The following GLIS1 variants were observed in gnomAD, a reference collection of about 807,000 sequenced individuals.
The protein encoded by GLIS1 is zinc finger protein GLIS1.
Under a neutral mutation model 63.8 loss-of-function variants are expected in GLIS1, and 24 were observed. That is an observed-to-expected ratio of 0.38 (90% CI 0.27 to 0.53). The LOEUF (loss-of-function observed/expected upper bound fraction) is 0.53, where lower values mean the gene tolerates loss of function less well. Among genes scored for constraint, GLIS1 ranks in the 20% least tolerant of loss-of-function variants. The pLI is 0.85. For missense variants in GLIS1, 1,036 were observed against 1,074.1 expected (o/e 0.96, Z 0.50); for synonymous variants, 450 against 482.5 (o/e 0.93, Z 0.88).
intron 4 of GLIS1, among the ~76,000 whole-genome samples, chr1:53,549,030 A>G (rs189566837): frequency 7.9e-5 from 12 of 152,354 alleles, no homozygotes; most frequent in African/African-American, 2.6e-4. Context: ...AAGTTGAATC[A>G]TGCAATCTGT....
intron 10 of GLIS1, among the ~76,000 whole-genome samples, chr1:53,507,696 A>G (rs1433261619): frequency 1.3e-5 from 2 of 152,168 alleles, no homozygotes; most frequent in Non-Finnish European, 2.9e-5. Context: ...ACAGAAAGGC[A>G]GCTGAGCGGG....
intron 2 of GLIS1, among the ~76,000 whole-genome samples, chr1:53,693,291 C>G (rs1489335325): frequency 6.6e-6 from 1 of 152,198 alleles, no homozygotes; most frequent in Non-Finnish European, 1.5e-5. Context: ...GGACTTGAAC[C>G]CAGGTCTCCC....
intron 4 of GLIS1, among the ~76,000 whole-genome samples, chr1:53,581,985 G>T (rs1645089832): frequency 1.3e-5 from 2 of 152,152 alleles, no homozygotes; most frequent in South Asian, 4.1e-4. Flanking sequence ...TGAGAAAACT[G>T]AGGACTCAGA....
At chr1:53,641,795 C>G (rs923378516) in intron 2 of GLIS1, among the ~76,000 whole-genome samples, 1 of 152,200 alleles carries the variant, frequency 6.6e-6, no homozygotes, top group Non-Finnish European at 1.5e-5. Flanking sequence ...TGGGAAGGAA[C>G]GGTCCATCTG....
At chr1:53,651,250 T>C (rs1645903960) in intron 2 of GLIS1, among the ~76,000 whole-genome samples, 1 of 152,234 alleles carries the variant, frequency 6.6e-6, no homozygotes, top group African/African-American at 2.4e-5. Context: ...GGAAGTCGTT[T>C]TCTACTATTA....
intron 2 of GLIS1, among the ~76,000 whole-genome samples, chr1:53,707,522 C>T (rs1016522382): frequency 5.3e-5 from 8 of 152,050 alleles, no homozygotes; most frequent in East Asian, 1.9e-4. Context: ...TGGTGGTGTG[C>T]GCCTGTAGTC....
chr1:53,509,210 CG>C lies in GLIS1; in HGVS notation c.2139del (p.Gly714ValfsTer111). ...GDCYRMAEPA[A>X]GGDGLVGETH... ...GTCTCCCCGACCAGTCCGTCCCCAC[CG>C]GCTGCTGGTTCAGCCATCCGGTAGC... On this transcript the variant is annotated frameshift_variant, in exon 10 of 11. Transcript: ENST00000628545. LOFTEE classifies it high-confidence loss of function. 6.3e-7 allele frequency: 1 copy of C among 1,597,726 alleles called. No individual in the cohort carries two copies. The highest frequency in any genetic ancestry group is 8.5e-7 in the Non-Finnish European group (1 of 1,172,740).
At chr1:53,524,713 C>T in intron 6 of GLIS1, 64 bp downstream of exon 6, 4 of 1,179,808 alleles carry the variant, frequency 3.4e-6, no homozygotes, top group Non-Finnish European at 5.0e-6. Flanking sequence ...GGGTGGGCAC[C>T]TGGCCTGATG....
intron 4 of GLIS1, among the ~76,000 whole-genome samples, chr1:53,569,095 C>T (rs1557455335): frequency 6.6e-6 from 1 of 152,168 alleles, no homozygotes; most frequent in East Asian, 1.9e-4. Flanking sequence ...ATATGACACT[C>T]TGAAAAAGTA....
At position 53,695,756 on chromosome 1, in the gene GLIS1, T is replaced by C. The variant is rs376814796; in HGVS notation, c.259+42050A>G. 2.5e-4 allele frequency among the ~76,000 whole-genome samples: 38 copies of C among 152,288 alleles called. No homozygotes were observed. In the South Asian group the frequency reaches 7.0e-3, roughly 28 times the overall value. ...CGCACCGGGACCCAAAAACTGGCTT[T>C]TACTGAGCACCTACTGAATACAAGG... is the stretch of plus-strand genomic sequence containing the variant. On this transcript the variant is annotated intron_variant, in intron 2 of 10. Transcript: ENST00000628545.
chr1:53,705,263 C>T (rs888278466), intron 2 of GLIS1, among the ~76,000 whole-genome samples: 1 of 152,134 alleles, frequency 6.6e-6, no homozygotes, highest in African/African-American at 2.4e-5. Flanking sequence ...TACCTCCTGG[C>T]GAGCGGCAGA....
chr1:53,611,713 T>A (rs535815704), intron 2 of GLIS1, among the ~76,000 whole-genome samples: 25 of 152,344 alleles, frequency 1.6e-4, no homozygotes, highest in African/African-American at 5.8e-4. Context: ...CCTGTCAGGG[T>A]CCTCAACTGA....
intron 7 of GLIS1, among the ~76,000 whole-genome samples, chr1:53,518,482 C>A (rs543701120): frequency 1.7e-4 from 26 of 152,310 alleles, no homozygotes; most frequent in Admixed American, 9.8e-4. Flanking sequence ...CATAGTCATT[C>A]TTCTTGCTCA....
intron 2 of GLIS1, among the ~76,000 whole-genome samples, chr1:53,618,893 C>G (rs1164326769): frequency 1.3e-5 from 2 of 152,232 alleles, no homozygotes; most frequent in African/African-American, 4.8e-5. Flanking sequence ...GCCCAGAGTT[C>G]TAGTCCTACC....
At chr1:53,564,901 G>GA (rs1372103263) in intron 4 of GLIS1, among the ~76,000 whole-genome samples, 1 of 151,558 alleles carries the variant, frequency 6.6e-6, no homozygotes, top group East Asian at 1.9e-4. Context: ...ATTAAACAAA[G>GA]AAAAAAATAA....
chr1:53,686,714 A>T (rs752930425), intron 2 of GLIS1, among the ~76,000 whole-genome samples: 7 of 152,140 alleles, frequency 4.6e-5, no homozygotes, highest in African/African-American at 7.2e-5. Flanking sequence ...TTAAGAGAGA[A>T]ATAGGAGCTC....
intron 4 of GLIS1, among the ~76,000 whole-genome samples, chr1:53,561,114 T>A (rs1644888161): frequency 6.6e-6 from 1 of 152,112 alleles, no homozygotes; most frequent in African/African-American, 2.4e-5. Context: ...AGGCAGAGTG[T>A]CCACTACTCT....
intron 4 of GLIS1, among the ~76,000 whole-genome samples, chr1:53,576,577 G>A (rs2100481783): frequency 6.6e-6 from 1 of 152,156 alleles, no homozygotes; most frequent in African/African-American, 2.4e-5. Flanking sequence ...TCACTGCCCA[G>A]CTCAGATGCC....
At chr1:53,579,722 G>A (rs1402014129) in intron 4 of GLIS1, among the ~76,000 whole-genome samples, 3 of 152,212 alleles carry the variant, frequency 2.0e-5, no homozygotes, top group Admixed American at 6.5e-5. Context: ...GCAGCCGTGG[G>A]GGCAGAGCTG....
Sources: gnomAD v4.1 joint callset for allele counts (sites outside exome capture counted in the v4.1 genomes callset) on GRCh38, gnomAD v4.1.1 for gene constraint, MANE v1.5 for transcripts, NCBI Gene and HGNC (gene_info 2026-07-23, HGNC 2026-07-21) for gene names.